Variants in NAALADL2 observed in about 807,000 individuals in gnomAD.
NAALADL2 encodes N-acetylated alpha-linked acidic dipeptidase like 2.
NAALADL2 carries 76 observed loss-of-function variants against 87.2 expected under a neutral mutation model. The observed-to-expected ratio is 0.87, with a 90% CI of 0.72 to 1.05. NAALADL2 has a LOEUF of 1.05. Ranked by LOEUF, NAALADL2 falls within the 50% of genes least tolerant of loss-of-function variation. The pLI, the probability that NAALADL2 is intolerant of heterozygous loss-of-function variation, is 0.00. For missense variants in NAALADL2, 1,089 were observed against 945.8 expected (o/e 1.15, Z -1.99); for synonymous variants, 354 against 331.0 (o/e 1.07, Z -0.75).
chr3:174,987,218 G>A (rs566001736), intron 1 of NAALADL2, among the ~76,000 whole-genome samples: 10 of 152,006 alleles, frequency 6.6e-5, no homozygotes, highest in Non-Finnish European at 1.0e-4. Context: ...AATAAAAAAC[G>A]AGTGTAAATC....
intron 3 of NAALADL2, among the ~76,000 whole-genome samples, chr3:174,850,669 G>A (rs1017687612): frequency 9.2e-5 from 14 of 152,118 alleles, no homozygotes; most frequent in African/African-American, 3.4e-4. Flanking sequence ...AATAATAGCT[G>A]TGGACTTCAA....
At position 175,437,227 on chromosome 3, in the gene NAALADL2, A is replaced by T. The variant is rs566339833; in HGVS notation, c.1091-10002A>T. ...CATTGTCTCAGCCCAAAATCTCCTT[A>T]AGCTGATAAGCAACTTCAGCAAAGT... On this transcript the variant is annotated intron_variant, in intron 5 of 13. Coordinates refer to ENST00000454872, the MANE Select transcript of NAALADL2 (RefSeq NM_207015.3). Among the ~76,000 whole-genome samples the T allele has an allele frequency of 1.0e-3, 157 of 151,148 alleles. 1 individual carries two copies. Among genetic ancestry groups the T allele is most frequent in the African/African-American group, 3.6e-3 (149 of 41,152 alleles).
chr3:174,901,415 G>A lies in NAALADL2; in HGVS notation c.43+41965G>A, dbSNP rs552657501. 2.6e-4 allele frequency among the ~76,000 whole-genome samples: 40 copies of A among 152,252 alleles called. No individual in the cohort carries two copies. The South Asian group carries it at 3.3e-3, about 13-fold the overall frequency. Reference sequence around the variant, plus strand: ...TAATACCCTCCTAACCAAAAGATACGAAGGTGATTAACATGAAGTAGGCTT... The same window carrying A: ...TAATACCCTCCTAACCAAAAGATACAAAGGTGATTAACATGAAGTAGGCTT... On this transcript the variant is annotated intron_variant, in intron 1 of 13. Transcript: ENST00000454872.
chr3:174,639,420 C>T (rs765937455), intron 2 of NAALADL2, among the ~76,000 whole-genome samples: 29 of 152,236 alleles, frequency 1.9e-4, no homozygotes, highest in African/African-American at 4.8e-4. Flanking sequence ...TGGGTCTTTG[C>T]GCAACTTTGT....
chr3:175,753,985 T>C (rs985130766), intron 12 of NAALADL2, among the ~76,000 whole-genome samples: 4 of 152,176 alleles, frequency 2.6e-5, no homozygotes, highest in African/African-American at 9.7e-5. Context: ...CAGTTGTACC[T>C]AGTCTGCTGA....
chr3:175,776,912 A>G (rs1750326076), intron 13 of NAALADL2, among the ~76,000 whole-genome samples: 1 of 152,244 alleles, frequency 6.6e-6, no homozygotes, highest in Non-Finnish European at 1.5e-5. Context: ...TTGTTACATT[A>G]AAAGAGATAC....
chr3:174,461,841 A>G (rs924368821), intron 1 of NAALADL2, among the ~76,000 whole-genome samples: 1 of 152,012 alleles, frequency 6.6e-6, no homozygotes, highest in Non-Finnish European at 1.5e-5. Context: ...GTGTGTGTGT[A>G]TGCATGTGAA....
intron 1 of NAALADL2, among the ~76,000 whole-genome samples, chr3:174,999,881 G>A (rs1279078010): frequency 6.6e-6 from 1 of 152,030 alleles, no homozygotes; most frequent in Non-Finnish European, 1.5e-5. Context: ...TTTGCAGGCG[G>A]ATACAACAAT....
intron 4 of NAALADL2, among the ~76,000 whole-genome samples, chr3:175,297,356 A>G (rs1756516307): frequency 6.6e-6 from 1 of 152,184 alleles, no homozygotes; most frequent in Non-Finnish European, 1.5e-5. Context: ...ATTCCAAAAC[A>G]TGGGATAGTT....
chr3:175,299,821 A>G (rs1000509583), intron 4 of NAALADL2, among the ~76,000 whole-genome samples: 1 of 152,136 alleles, frequency 6.6e-6, no homozygotes, highest in Admixed American at 6.5e-5. Context: ...TTCCAATACT[A>G]TGTTGAATAG....
At chr3:174,605,068 G>C (rs1455678091) in intron 2 of NAALADL2, among the ~76,000 whole-genome samples, 1 of 151,910 alleles carries the variant, frequency 6.6e-6, no homozygotes, top group African/African-American at 2.4e-5. Context: ...TATGTTTTTT[G>C]GTTTCAGTTT....
At chr3:174,858,449 C>G (rs1293095648), upstream of NAALADL2, among the ~76,000 whole-genome samples, 1 of 152,054 alleles carries the variant, frequency 6.6e-6, no homozygotes, top group Non-Finnish European at 1.5e-5. Flanking sequence ...TGAGTCACAA[C>G]AGTTAATCTA....
At chr3:175,338,614 A>C (rs1581482244) in intron 5 of NAALADL2, among the ~76,000 whole-genome samples, 1 of 99,696 alleles carries the variant, frequency 1.0e-5, no homozygotes, top group Non-Finnish European at 2.0e-5. Flanking sequence ...AAAAAAAAAA[A>C]CACCACAAAC....
intron 5 of NAALADL2, among the ~76,000 whole-genome samples, chr3:175,414,168 G>T (rs1403369612): frequency 6.6e-6 from 1 of 152,200 alleles, no homozygotes; most frequent in Non-Finnish European, 1.5e-5. Flanking sequence ...CACGGGAACA[G>T]TATGCCTGGC....
At chr3:175,327,090 A>T (rs1015881148) in intron 5 of NAALADL2, among the ~76,000 whole-genome samples, 5 of 151,760 alleles carry the variant, frequency 3.3e-5, no homozygotes, top group African/African-American at 1.2e-4. Context: ...CAAAGTAAAC[A>T]CAGTCAAATA....
At chr3:175,569,823 TACAC>T (rs34518577) in intron 9 of NAALADL2, among the ~76,000 whole-genome samples, 18,160 of 147,154 alleles carry the variant, frequency 0.12, 1,239 homozygotes, top group Middle Eastern at 0.18. Flanking sequence ...GACCAACTAA[TACAC>T]ACACACACAC....
At position 175,232,237 on chromosome 3, in the gene NAALADL2, G is replaced by GAAGAAGA. The variant is rs60219054; in HGVS notation, c.546-1688_546-1682dup. Among the ~76,000 whole-genome samples the GAAGAAGA allele has an allele frequency of 2.0e-3, 293 of 149,462 alleles. 2 individuals carry two copies. The highest frequency in any genetic ancestry group is 6.1e-3 in the African/African-American group (249 of 40,520). ...AAGAGAAGAAGAAGAAGAGGAAGAG[G>GAAGAAGA]AAGAAGAAAGAACAAGAAGAAGAAG... On this transcript the variant is annotated intron_variant, in intron 2 of 13. Coordinates refer to ENST00000454872, the MANE Select transcript of NAALADL2 (RefSeq NM_207015.3).
At chr3:175,630,550 T>C (rs1727616589) in intron 11 of NAALADL2, among the ~76,000 whole-genome samples, 1 of 151,736 alleles carries the variant, frequency 6.6e-6, no homozygotes, top group Admixed American at 6.6e-5. Context: ...TACTATAAAA[T>C]ATACATATAT....
At chr3:175,077,147 G>A (rs1230421943) in intron 1 of NAALADL2, among the ~76,000 whole-genome samples, 1 of 152,126 alleles carries the variant, frequency 6.6e-6, no homozygotes, top group Admixed American at 6.5e-5. Flanking sequence ...CTGCTCTTCT[G>A]TATTTTTTCA....
Sources: gnomAD v4.1 joint callset for allele counts (sites outside exome capture counted in the v4.1 genomes callset) on GRCh38, gnomAD v4.1.1 for gene constraint, MANE v1.5 for transcripts, NCBI Gene and HGNC (gene_info 2026-07-23, HGNC 2026-07-21) for gene names.